Variants in MUC6 observed in about 807,000 individuals in gnomAD.
MUC6 encodes mucin 6, oligomeric mucus/gel-forming (gene/pseudogene).
In MUC6, 188 loss-of-function variants were observed where a neutral mutation model predicts 201.5. That is an observed-to-expected ratio of 0.93 (90% CI 0.83 to 1.05). MUC6 has a LOEUF of 1.05. Ranked by LOEUF, MUC6 falls within the 50% of genes least tolerant of loss-of-function variation. MUC6 has a pLI of 0.00. For missense variants in MUC6, 2,706 were observed against 3,256.9 expected (o/e 0.83, Z 4.12); for synonymous variants, 1,228 against 1,389.4 (o/e 0.88, Z 2.58).
intron 7 of MUC6, 32 bp from the exon 8 acceptor site, chr11:1,030,367 C>A (rs755550797): frequency 3.3e-5 from 37 of 1,122,748 alleles, no homozygotes; most frequent in Middle Eastern, 3.4e-4. Flanking sequence ...GTGAGAGGGT[C>A]CCACCCCCCC....
rs1673260797 is a variant in MUC6, at chr11:1,033,886, AG to A, written c.53-812del. ...CCTGAGCAGGACCCGTGACCTCTCC[AG>A]GCCCTTCTTGGGGCCGGGACCCTCC... is the stretch of plus-strand genomic sequence containing the variant. On this transcript the variant is annotated intron_variant, in intron 1 of 32. Transcript: ENST00000421673. The surrounding 1 kb of genome is among the most constrained non-coding windows in gnomAD (Gnocchi z 5.6). Among the ~76,000 whole-genome samples the A allele has an allele frequency of 6.6e-6, 1 of 151,690 alleles. No homozygotes were observed. The highest frequency in any genetic ancestry group is 1.5e-5 in the Non-Finnish European group (1 of 67,924).
chr11:1,020,780 C>A, intron 27 of MUC6, 46 bp from the exon 28 acceptor site: 1 of 1,601,870 alleles, frequency 6.2e-7, no homozygotes, highest in Non-Finnish European at 8.5e-7. Flanking sequence ...TAAGCCTCCC[C>A]ACCCCGTGGG....
chr11:1,023,746 T>G, intron 25 of MUC6, 94 bp from the exon 26 acceptor site: 1 of 1,537,126 alleles, frequency 6.5e-7, no homozygotes, highest in Non-Finnish European at 8.8e-7. Context: ...AACCTGAGTG[T>G]GGGCGGGGAA....
chr11:1,029,750 C>T, intron 8 of MUC6, 135 bp from the exon 9 acceptor site: 2 of 1,252,768 alleles, frequency 1.6e-6, no homozygotes, highest in Non-Finnish European at 1.1e-6. Flanking sequence ...AGGGAGACGC[C>T]CCTCCAGCCT....
In MUC6 at chr11:1,013,461, C is replaced by T; in HGVS notation, c.7315G>A (p.Asp2439Asn). ...GAGAGCAGGCAGCGACCCTGCTAGT[C>T]TCCACAGGCCACAGAGCTGCACACG... ...HCVCSSVACG[D>N] The change falls in exon 33 of 33, where the codon GAC (aspartate) becomes AAC (asparagine). Residue 2439 changes from aspartate to asparagine, a missense_variant. Physicochemically the swap from Asp to Asn is conservative, Grantham distance 23. Around this residue, in one of 10 missense-constraint regions of MUC6, gnomAD observed 586 missense variants for 488.0 expected, o/e 1.20. Coordinates refer to ENST00000421673, the MANE Select transcript of MUC6 (RefSeq NM_005961.3). The T allele has an allele frequency of 1.3e-6, 2 of 1,579,152 alleles. No homozygotes were observed. The highest frequency in any genetic ancestry group is 1.7e-6 in the Non-Finnish European group (2 of 1,164,034).
rs375495192 is a variant in MUC6, at chr11:1,027,408, G to A, written c.2091C>T (p.Pro697=). The A allele has an allele frequency of 2.9e-5, 47 of 1,612,726 alleles. No homozygotes were observed. Among genetic ancestry groups the A allele is most frequent in the Non-Finnish European group, 3.7e-5 (44 of 1,179,836 alleles). ...CATCGGGGCAGTTGCAACCGTCCAC[G>A]GGCACGGCGCTGTGGTGGCACTCGG... is the stretch of plus-strand genomic sequence containing the variant. The part of the protein sequence containing the change: ...RATECHHSAV[P]VDGCNCPDGT... Residue 697 remains proline (P), a synonymous_variant, in exon 17 of 33, where the codon CCC becomes CCT. Coordinates refer to ENST00000421673, the MANE Select transcript of MUC6 (RefSeq NM_005961.3).
Position 1,016,601 on chromosome 11 carries a change from G to T in MUC6, c.6200C>A (p.Thr2067Asn). 2 of 1,613,624 alleles carry T rather than the reference G, an allele frequency of 1.2e-6. No individual in the cohort carries two copies. The highest frequency in any genetic ancestry group is 1.3e-5 in the African/African-American group (1 of 74,954). ...STHTAPPMTV[T>N]TSGTSQTHSS... ...GTGGGTTTGGCTGGTCCCACTGGTG[G>T]TCACTGTCATTGGTGGGGCTGTGTG... The change falls in exon 31 of 33, where the codon ACC becomes AAC. Residue 2067 changes from threonine to asparagine, a missense_variant. Transcript: ENST00000421673.
In MUC6 at chr11:1,030,962, G is replaced by A; in HGVS notation, c.669C>T (p.Val223=). The change falls in exon 6 of 33, where the codon GTC becomes GTT. Residue 223 remains valine (V), a synonymous_variant. Coordinates refer to ENST00000421673, the MANE Select transcript of MUC6 (RefSeq NM_005961.3). ...CTFQDIPSTH[V]RQAQHARICT... is the part of the protein sequence containing the mutation. ...CCTTGCTTACGTGCTGGGCCTGCCGGACGTGGGTGCTGGGGATGTCCTGGA... is the reference window on the plus strand; with the variant it reads ...CCTTGCTTACGTGCTGGGCCTGCCGAACGTGGGTGCTGGGGATGTCCTGGA... 2 of 1,579,516 alleles carry A rather than the reference G, an allele frequency of 1.3e-6. No homozygotes were observed. The highest frequency in any genetic ancestry group is 8.6e-7 in the Non-Finnish European group (1 of 1,163,224).
chr11:1,015,118 G>A (rs1174693938), intron 31 of MUC6, among the ~76,000 whole-genome samples: 6 of 152,232 alleles, frequency 3.9e-5, no homozygotes, highest in Non-Finnish European at 7.3e-5. Flanking sequence ...CCTGGAACGC[G>A]AGGTGAGGTG....
intron 26 of MUC6, among the ~76,000 whole-genome samples, chr11:1,022,557 C>T (rs1856841386): frequency 1.3e-5 from 2 of 152,238 alleles, no homozygotes; most frequent in Non-Finnish European, 2.9e-5. Flanking sequence ...GTGGCTCTCC[C>T]ACCCCAGCCT....
In MUC6 at chr11:1,018,555, CGGGACTCCCCGCCGTA is replaced by C. The variant is rs1856734971; in HGVS notation, c.4230_4245del (p.Thr1411SerfsTer40). The C allele has an allele frequency of 1.4e-6, 2 of 1,458,880 alleles. No homozygotes were observed. The highest frequency in any genetic ancestry group is 2.5e-5 in the East Asian group (1 of 40,664). 90.4% of individuals were successfully genotyped at this position (1,458,880 alleles called of 1,614,324 possible). On this transcript the variant is annotated frameshift_variant, in exon 31 of 33. Transcript: ENST00000421673. LOFTEE classifies it high-confidence loss of function. ...GCAGTGACAGGACCTGTGGAAGGGA[CGGGACTCCCCGCCGTA>C]GGCGGGGAGTGTGTGGTGTGTGGGG...
chr11:1,021,516 A>C (rs571441147), intron 26 of MUC6, among the ~76,000 whole-genome samples: 1 of 151,970 alleles, frequency 6.6e-6, no homozygotes, highest in Non-Finnish European at 1.5e-5. Flanking sequence ...GATTGCAGGC[A>C]TGTGCCATGA....
chr11:1,036,258 C>T lies in MUC6; in HGVS notation c.52+346G>A, dbSNP rs1328278776. 2.0e-5 allele frequency among the ~76,000 whole-genome samples: 3 copies of T among 152,200 alleles called. No individual in the cohort carries two copies. The East Asian group carries it at 5.8e-4, about 29-fold the overall frequency. ...CAGGACCCCACTCGGGGAGGGAGAGCGCCAGGGCTGGGCACCAGCACACCT... is the reference window on the plus strand; with the variant it reads ...CAGGACCCCACTCGGGGAGGGAGAGTGCCAGGGCTGGGCACCAGCACACCT... On this transcript the variant is annotated intron_variant, in intron 1 of 32. Coordinates refer to ENST00000421673, the MANE Select transcript of MUC6 (RefSeq NM_005961.3).
chr11:1,027,359 C>T lies in MUC6; in HGVS notation c.2140G>A (p.Glu714Lys), dbSNP rs191493909. The change falls in exon 17 of 33, where the codon GAG becomes AAG. Residue 714 changes from glutamate (E) to lysine (K), a missense_variant. Coordinates refer to ENST00000421673, the MANE Select transcript of MUC6 (RefSeq NM_005961.3). ...PDGTYLNQKG[E>K]CVRKAQCPCI... is the part of the protein sequence containing the mutation. ...GGGCACTGGGCCTTGCGCACACACT[C>T]GCCCTTTTGGTTCAGGTAGGTGCCA... 147 of 1,612,986 alleles carry T rather than the reference C, an allele frequency of 9.1e-5. 1 individual carries two copies. In the Admixed American group the frequency reaches 1.2e-3, roughly 13 times the overall value.
At position 1,028,281 on chromosome 11, in the gene MUC6, G is replaced by C; in HGVS notation, c.1698C>G (p.Asn566Lys). Residue 566 changes from asparagine (N) to lysine (K), a missense_variant, in exon 14 of 33, where the codon AAC becomes AAG. Physicochemically the swap from Asn to Lys is moderately conservative, Grantham distance 94. Around this residue, in one of 10 missense-constraint regions of MUC6, gnomAD observed 1,850 missense variants for 1,958.3 expected, o/e 0.94. Transcript: ENST00000421673. ...TCTCACGCTCCAGAGCGGCCGGACA[G>C]TTCCCCGCCCGCCAGGAGTCCACAA... ...SLFVDSWRAG[N>K]CPAALERETD... 1 of 1,605,442 alleles carries C rather than the reference G, an allele frequency of 6.2e-7. No homozygotes were observed. The highest frequency in any genetic ancestry group is 2.3e-5 in the East Asian group (1 of 44,386).
intron 31 of MUC6, among the ~76,000 whole-genome samples, chr11:1,015,490 G>T (rs1442055796): frequency 6.6e-6 from 1 of 152,146 alleles, no homozygotes; most frequent in African/African-American, 2.4e-5. Flanking sequence ...CAGTGACCGG[G>T]CATGAGTGAG....
chr11:1,030,524 C>G (rs1042987406), intron 7 of MUC6, 49 bp downstream of exon 7: 2 of 1,464,800 alleles, frequency 1.4e-6, no homozygotes, highest in African/African-American at 1.4e-5. Flanking sequence ...AGAGCTGGGT[C>G]TGGAGCCCTC....
chr11:1,024,222 C>G, intron 24 of MUC6, 119 bp from the exon 25 acceptor site: 1 of 1,231,578 alleles, frequency 8.1e-7, no homozygotes, highest in Non-Finnish European at 1.1e-6. Flanking sequence ...GGCGCTGGGA[C>G]TGGGTGAGCG....
Position 1,033,107 on chromosome 11 carries a change from G to T in MUC6, c.53-32C>A. ...GGACGGGACCCGCAGTCGGTGTGGG[G>T]CTACCCCGTCGTCCCTGAGGGCGCC... On this transcript the variant is annotated intron_variant, in intron 1 of 32. Transcript: ENST00000421673. The surrounding 1 kb of genome is among the most constrained non-coding windows in gnomAD (Gnocchi z 5.6). 1 of 1,609,462 alleles carries T rather than the reference G, an allele frequency of 6.2e-7. No individual in the cohort carries two copies. Among genetic ancestry groups the T allele is most frequent in the Non-Finnish European group, 8.5e-7 (1 of 1,176,168 alleles).
Sources: allele counts gnomAD v4.1 joint callset (sites outside exome capture counted in the v4.1 genomes callset), GRCh38; gene constraint gnomAD v4.1.1; regional missense constraint gnomAD v4.1.1; non-coding constraint Gnocchi (gnomAD v3.1); transcripts MANE v1.5; gene names NCBI Gene and HGNC (gene_info 2026-07-23, HGNC 2026-07-21).